PCDHA1: variants seen among roughly 807,000 people sequenced by gnomAD.
PCDHA1 encodes the protein protocadherin alpha-1.
PCDHA1 carries 42 observed loss-of-function variants against 61.3 expected under a neutral mutation model. The observed-to-expected ratio is 0.69, with a 90% CI of 0.54 to 0.89. PCDHA1 has a LOEUF of 0.89. Ranked by LOEUF, PCDHA1 falls within the 40% of genes least tolerant of loss-of-function variation. The pLI is 0.00. For missense variants in PCDHA1, 1,256 were observed against 1,235.3 expected (o/e 1.02, Z -0.25); for synonymous variants, 610 against 553.8 (o/e 1.10, Z -1.43).
At chr5:140,825,834 A>G (rs1018722361) in intron 1 of PCDHA1, 1 of 152,430 alleles carries the variant, frequency 6.6e-6, no homozygotes, top group Non-Finnish European at 1.5e-5. Context: ...TAAAAAAATA[A>G]ATATACCATG....
At chr5:140,825,174 A>G (rs1768469302) in intron 1 of PCDHA1, 1 of 151,548 alleles carries the variant, frequency 6.6e-6, no homozygotes, top group Non-Finnish European at 1.5e-5. Flanking sequence ...TTCATTTACT[A>G]ATGTATCTTG....
At chr5:140,791,234 T>C (rs552158518) in intron 1 of PCDHA1, among the ~76,000 whole-genome samples, 2 of 152,318 alleles carry the variant, frequency 1.3e-5, no homozygotes, top group South Asian at 2.1e-4. Flanking sequence ...GGTAGCACGA[T>C]TGTGTAATTT....
intron 1 of PCDHA1, chr5:140,869,664 G>A (rs1554163333): frequency 5.0e-6 from 8 of 1,613,474 alleles, no homozygotes; most frequent in Non-Finnish European, 6.8e-6. Flanking sequence ...CAAATGGTAA[G>A]CAGATTAAAA....
At chr5:140,926,737 C>T (rs2083513630) in intron 1 of PCDHA1, 3 of 1,153,842 alleles carry the variant, frequency 2.6e-6, no homozygotes, top group Non-Finnish European at 3.4e-6. Flanking sequence ...GTTCGGGAGG[C>T]GCAACGTCGG....
intron 1 of PCDHA1, chr5:140,842,313 C>T (rs2150333932): frequency 2.5e-6 from 4 of 1,607,028 alleles, no homozygotes; most frequent in East Asian, 2.2e-5. Flanking sequence ...CCTCCCATGG[C>T]GGGTCATTGC....
chr5:140,979,303 C>T (rs1048294748), intron 2 of PCDHA1, among the ~76,000 whole-genome samples: 5 of 152,148 alleles, frequency 3.3e-5, no homozygotes, highest in East Asian at 3.8e-4. Context: ...CTCCTTCATC[C>T]CTCTCTACCT....
intron 1 of PCDHA1, chr5:140,795,087 C>T (rs1554119251): frequency 6.8e-6 from 11 of 1,613,996 alleles, no homozygotes; most frequent in Admixed American, 1.7e-5. Flanking sequence ...AGGCCAAACA[C>T]GGCACCTTCG....
chr5:140,930,329 A>C (rs868965676), intron 1 of PCDHA1: 1 of 152,198 alleles, frequency 6.6e-6, no homozygotes, highest in African/African-American at 2.4e-5. Context: ...AATGTATCTA[A>C]TGAAAGTTAA....
chr5:140,863,377 G>C (rs782482597), intron 1 of PCDHA1: 1 of 1,100,622 alleles, frequency 9.1e-7, no homozygotes, highest in African/African-American at 1.6e-5. Context: ...GCAGCTCACC[G>C]AGAGCTCGTG....
intron 1 of PCDHA1, chr5:140,828,825 C>T: frequency 1.2e-6 from 2 of 1,614,200 alleles, no homozygotes; most frequent in Non-Finnish European, 8.5e-7. Flanking sequence ...TTCGAACAGT[C>T]TGAATACGAA....
chr5:140,893,467 A>G (rs2064001411), intron 1 of PCDHA1, among the ~76,000 whole-genome samples: 1 of 152,186 alleles, frequency 6.6e-6, no homozygotes, highest in Non-Finnish European at 1.5e-5. Context: ...AGCCTGGGCA[A>G]CATAGCAAGA....
rs114635096 is a variant in PCDHA1 at position 140,845,857 on chromosome 5, A to G, written c.2394+57173A>G. Among the ~76,000 whole-genome samples the G allele has an allele frequency of 6.1e-4, 91 of 149,958 alleles. 1 individual carries two copies. The highest frequency in any genetic ancestry group is 2.1e-3 in the African/African-American group (88 of 41,030). Reference sequence around the variant, plus strand: ...ATTCTTAAGAGAAAAGAAGTTAGTGATTGCAGAAAGGCAACCTAAAATGTC... The same window carrying G: ...ATTCTTAAGAGAAAAGAAGTTAGTGGTTGCAGAAAGGCAACCTAAAATGTC... On this transcript the variant is annotated intron_variant, in intron 1 of 3. Coordinates refer to ENST00000504120, the MANE Select transcript of PCDHA1 (RefSeq NM_018900.4).
chr5:141,001,229 A>G (rs1055246744), intron 3 of PCDHA1, among the ~76,000 whole-genome samples: 41 of 152,314 alleles, frequency 2.7e-4, no homozygotes, highest in African/African-American at 9.1e-4. Flanking sequence ...AGTTACATTT[A>G]ATCTATAAAT....
At chr5:140,872,054 C>T (rs970445290) in intron 1 of PCDHA1, among the ~76,000 whole-genome samples, 2 of 152,238 alleles carry the variant, frequency 1.3e-5, no homozygotes, top group East Asian at 3.8e-4. Flanking sequence ...CCCACTTCAG[C>T]CTCCAGAGTA....
chr5:140,988,411 A>T (rs2097296392), intron 3 of PCDHA1, among the ~76,000 whole-genome samples: 1 of 152,144 alleles, frequency 6.6e-6, no homozygotes, highest in Non-Finnish European at 1.5e-5. Flanking sequence ...TTCGCAGCTT[A>T]TGTAAAGAAT....
chr5:140,856,776 G>C (rs782634261), intron 1 of PCDHA1: 3 of 1,596,678 alleles, frequency 1.9e-6, no homozygotes, highest in Non-Finnish European at 1.7e-6. Flanking sequence ...ATCTTTGACA[G>C]ACCGGTTTAT....
At chr5:140,928,388 C>T in intron 1 of PCDHA1, 1 of 1,614,012 alleles carries the variant, frequency 6.2e-7, no homozygotes, top group Non-Finnish European at 8.5e-7. Flanking sequence ...AGCTTGCTGG[C>T]AGTGGAATCA....
chr5:140,834,220 A>C lies in PCDHA1; in HGVS notation c.2394+45536A>C, dbSNP rs2150214297. ...TACCGCAAATTCTTTCGTAATCAGC[A>C]AAAGGAAGTCATTCCTTTTCGCACT... On this transcript the variant is annotated intron_variant, in intron 1 of 3. Transcript: ENST00000504120. 3,272 of 686,096 alleles carry C rather than the reference A, an allele frequency of 4.8e-3. 83 individuals carry two copies. In the African/African-American group the frequency reaches 0.051, roughly 11 times the overall value. 42.5% of individuals were successfully genotyped at this position (686,096 alleles called of 1,614,324 possible).
At chr5:140,845,204 TAA>T (rs1554140859) in intron 1 of PCDHA1, among the ~76,000 whole-genome samples, 1 of 149,338 alleles carries the variant, frequency 6.7e-6, no homozygotes, top group Non-Finnish European at 1.5e-5. Flanking sequence ...TGTTTTCATT[TAA>T]GTCCTTTTAA....
Sources: allele counts gnomAD v4.1 joint callset (sites outside exome capture counted in the v4.1 genomes callset), GRCh38; gene constraint gnomAD v4.1.1; transcripts MANE v1.5; gene names NCBI Gene and HGNC (gene_info 2026-07-23, HGNC 2026-07-21).